The following AKT1 variants were observed in gnomAD, a reference collection of about 807,000 sequenced individuals.
AKT1 encodes AKT serine/threonine kinase 1.
Under a neutral mutation model 63.1 loss-of-function variants are expected in AKT1, and 21 were observed. The ratio of observed to expected loss-of-function variants is 0.33; its 90% CI spans 0.24 to 0.48. The LOEUF is 0.48. Ranked by LOEUF, AKT1 falls within the 20% of genes least tolerant of loss-of-function variation. AKT1 has a pLI of 0.99. For synonymous variants in AKT1, 257 were observed against 253.1 expected, an observed-to-expected ratio of 1.02 and a Z score of -0.15; for missense variants, 382 against 666.0, an observed-to-expected ratio of 0.57 and a Z score of 4.69.
chr14:104,772,357 A>G lies in AKT1; in HGVS notation c.1260+8T>C, dbSNP rs1176652408. On this transcript the variant is annotated splice_region_variant and intron_variant, in intron 13 of 14. Transcript: ENST00000649815. Reference sequence around the variant, plus strand: ...GCGTGCGCGTGAATATGCGGGGAGCAGCCGCACCTTCTTCTCGTACACGTG... The same window carrying G: ...GCGTGCGCGTGAATATGCGGGGAGCGGCCGCACCTTCTTCTCGTACACGTG... 1 of 1,613,580 alleles carries G rather than the reference A, an allele frequency of 6.2e-7. No individual in the cohort carries two copies. The highest frequency in any genetic ancestry group is 8.5e-7 in the Non-Finnish European group (1 of 1,179,936).
intron 3 of AKT1, among the ~76,000 whole-genome samples, chr14:104,787,883 C>T (rs936252713): frequency 3.3e-5 from 5 of 152,244 alleles, no homozygotes; most frequent in Admixed American, 6.5e-5. Flanking sequence ...AAGGCCACCT[C>T]GGCTTCCTCT....
Position 104,773,541 on chromosome 14 carries a change from C to T in AKT1, c.742G>A (p.Asp248Asn). 1 of 1,611,544 alleles carries T rather than the reference C, an allele frequency of 6.2e-7. No individual in the cohort carries two copies. The highest frequency in any genetic ancestry group is 2.2e-5 in the East Asian group (1 of 44,760). ...TCAGCGCCATAGAAGCGGGCCCGGTCCTCGGAGAACACACGCTCCCGGGAC... is the reference window on the plus strand; with the variant it reads ...TCAGCGCCATAGAAGCGGGCCCGGTTCTCGGAGAACACACGCTCCCGGGAC... The part of the protein sequence containing the change: ...HLSRERVFSE[D>N]RARFYGAEIV... The change falls in exon 10 of 15, where the codon GAC becomes AAC. Residue 248 changes from aspartate (D) to asparagine (N), a missense_variant. Asp to Asn is a conservative substitution (Grantham distance 23). Coordinates refer to ENST00000649815, the MANE Select transcript of AKT1 (RefSeq NM_001382430.1).
At chr14:104,775,842 G>A (rs1054935311) in intron 5 of AKT1, 43 bp from the exon 6 acceptor site, 1 of 1,599,584 alleles carries the variant, frequency 6.3e-7, no homozygotes, top group South Asian at 1.1e-5. Context: ...ACCAGATCAG[G>A]AGCTCCACCC....
chr14:104,772,151 C>G (rs1892423374), intron 13 of AKT1: 3 of 605,038 alleles, frequency 5.0e-6, no homozygotes, highest in Admixed American at 2.8e-5. Context: ...AAATGAGGAC[C>G]AGGCCAGTTT....
In AKT1 at chr14:104,773,603, C is replaced by T. The variant is rs3730329; in HGVS notation, c.703-23G>A. 1.5e-3 allele frequency: 2,448 copies of T among 1,594,704 alleles called. 3 individuals are homozygous for T. The highest frequency in any genetic ancestry group is 2.0e-3 in the Non-Finnish European group (2,314 of 1,171,268). ...CAGCTGCGGGAGGCGCAACCTGAGG[C>T]ACAGCCGTGGCTCGGGCCTCTGCCC... is the stretch of plus-strand genomic sequence containing the variant. On this transcript the variant is annotated intron_variant, in intron 9 of 14. Coordinates refer to ENST00000649815, the MANE Select transcript of AKT1 (RefSeq NM_001382430.1).
rs541565223 is a variant in AKT1 at position 104,782,184 on chromosome 14, C to T, written c.47-1968G>A. ...GGGGCTGCATGCAGCCCACCCCACC[C>T]GTCCCCCATCCTGGGCCACCCCGCT... On this transcript the variant is annotated intron_variant, in intron 3 of 14. Coordinates refer to ENST00000649815, the MANE Select transcript of AKT1 (RefSeq NM_001382430.1). Among the ~76,000 whole-genome samples the T allele has an allele frequency of 4.0e-5, 6 of 151,138 alleles. No individual in the cohort carries two copies. In the East Asian group the frequency reaches 9.8e-4, roughly 25 times the overall value.
intron 3 of AKT1, among the ~76,000 whole-genome samples, chr14:104,782,811 G>T (rs1278746268): frequency 6.6e-6 from 1 of 152,172 alleles, no homozygotes; most frequent in Non-Finnish European, 1.5e-5. Context: ...GATCCCCAGG[G>T]ACCCGGGGTA....
chr14:104,780,724 C>T (rs998987474), intron 3 of AKT1, among the ~76,000 whole-genome samples: 10 of 152,196 alleles, frequency 6.6e-5, no homozygotes, highest in Admixed American at 6.5e-4. Context: ...CCCCCCCCGC[C>T]CCGCCGCCAC....
At chr14:104,775,577 G>T in intron 6 of AKT1, 75 bp downstream of exon 6, 2 of 1,555,948 alleles carry the variant, frequency 1.3e-6, no homozygotes. Context: ...GGCCGAGCTG[G>T]GACCCCATGA....
intron 9 of AKT1, 87 bp from the exon 10 acceptor site, chr14:104,773,667 C>T (rs986307131): frequency 4.6e-6 from 7 of 1,517,926 alleles, no homozygotes; most frequent in African/African-American, 2.7e-5. Flanking sequence ...GACCGGGTCT[C>T]GGCATTGCAC....
chr14:104,793,529 G>C (rs1346204923), intron 1 of AKT1: 1 of 177,960 alleles, frequency 5.6e-6, no homozygotes, highest in Non-Finnish European at 1.2e-5. Flanking sequence ...CTGGGCGCTG[G>C]AGACAAAGAG....
At chr14:104,789,299 G>T (rs969035093) in intron 3 of AKT1, among the ~76,000 whole-genome samples, 1 of 152,252 alleles carries the variant, frequency 6.6e-6, no homozygotes, top group Middle Eastern at 3.2e-3. Flanking sequence ...ATGTGGACGG[G>T]GGGACGCTCA....
intron 1 of AKT1, chr14:104,793,632 G>A (rs902990914): frequency 1.2e-5 from 2 of 170,606 alleles, no homozygotes; most frequent in Middle Eastern, 2.3e-3. Context: ...GTAAGTGGGG[G>A]AGCACTGGAC....
intron 12 of AKT1, 45 bp downstream of exon 12, chr14:104,772,825 CTGGGGATG>C (rs1892466230): frequency 1.3e-6 from 2 of 1,554,958 alleles, no homozygotes; most frequent in Non-Finnish European, 1.7e-6. Flanking sequence ...CAGGTGCAGC[CTGGGGATG>C]AGGGGATGGA....
chr14:104,775,457 A>T (rs1595245399), intron 6 of AKT1, 195 bp downstream of exon 6: 3 of 1,067,790 alleles, frequency 2.8e-6, no homozygotes, highest in Admixed American at 5.7e-5. Context: ...AGGGCTCAGC[A>T]ACCCCAGTTT....
Position 104,775,065 on chromosome 14 carries a change from C to T in AKT1, c.567+11G>A, listed in dbSNP as rs2140916168. On this transcript the variant is annotated intron_variant, in intron 7 of 14. Coordinates refer to ENST00000649815, the MANE Select transcript of AKT1 (RefSeq NM_001382430.1). ...CCTCATCTCCACCCTGCCCCACCGC[C>T]CCGGCCCCACCTTGGCCACGATGAC... The T allele has an allele frequency of 6.2e-7, 1 of 1,613,800 alleles. No individual in the cohort carries two copies. The highest frequency in any genetic ancestry group is 1.3e-5 in the African/African-American group (1 of 75,034).
At chr14:104,784,523 T>G (rs1271373212) in intron 3 of AKT1, among the ~76,000 whole-genome samples, 1 of 152,092 alleles carries the variant, frequency 6.6e-6, no homozygotes, top group Non-Finnish European at 1.5e-5. Flanking sequence ...AGGAGTGACC[T>G]TCCATCCCCA....
chr14:104,786,101 C>T (rs1020256454), intron 3 of AKT1, among the ~76,000 whole-genome samples: 3 of 152,170 alleles, frequency 2.0e-5, no homozygotes, highest in Non-Finnish European at 4.4e-5. Context: ...TCCCTGTCCC[C>T]CACCTCATTT....
intron 3 of AKT1, among the ~76,000 whole-genome samples, chr14:104,790,298 G>T (rs61995961): frequency 6.6e-6 from 1 of 152,170 alleles, no homozygotes; most frequent in Non-Finnish European, 1.5e-5. Context: ...GGAACAGGGC[G>T]TCTGCAAGGG....
Sources: gnomAD v4.1 joint callset for allele counts (sites outside exome capture counted in the v4.1 genomes callset) on GRCh38, gnomAD v4.1.1 for gene constraint, MANE v1.5 for transcripts, NCBI Gene and HGNC (gene_info 2026-07-23, HGNC 2026-07-21) for gene names.